MAP4: variants seen among roughly 807,000 people sequenced by gnomAD.
MAP4 encodes microtubule associated protein 4.
In MAP4, 76 loss-of-function variants were observed where a neutral mutation model predicts 170.2. The observed-to-expected ratio is 0.45, with a 90% CI of 0.37 to 0.54. The LOEUF is 0.54. MAP4 is among the 20% of genes least tolerant of loss of function. The pLI is 0.00. For missense variants in MAP4, 2,506 were observed against 2,748.0 expected (o/e 0.91, Z 1.97); for synonymous variants, 909 against 994.5 (o/e 0.91, Z 1.62).
chr3:47,982,298 T>A (rs2100085846), intron 2 of MAP4, among the ~76,000 whole-genome samples: 1 of 152,166 alleles, frequency 6.6e-6, no homozygotes, highest in South Asian at 2.1e-4. Flanking sequence ...AGAAACATAT[T>A]AGCACAATCA....
chr3:48,045,845 T>C (rs925897311), intron 1 of MAP4, among the ~76,000 whole-genome samples: 4 of 152,230 alleles, frequency 2.6e-5, no homozygotes, highest in South Asian at 2.1e-4. Context: ...CCGGCTGCAA[T>C]AGACATCTTT....
At chr3:48,037,071 C>T (rs2100119105) in intron 1 of MAP4, among the ~76,000 whole-genome samples, 1 of 152,090 alleles carries the variant, frequency 6.6e-6, no homozygotes, top group Admixed American at 6.5e-5. Context: ...GGTCAGAATA[C>T]ATTCAGTAAG....
At chr3:48,034,770 T>C (rs543039292) in intron 1 of MAP4, among the ~76,000 whole-genome samples, 1 of 152,210 alleles carries the variant, frequency 6.6e-6, no homozygotes, top group East Asian at 1.9e-4. Flanking sequence ...CCCAGCACTT[T>C]GTGAGGCTGA....
intron 3 of MAP4, among the ~76,000 whole-genome samples, chr3:47,939,405 C>T (rs114764847): frequency 0.029 from 4,486 of 152,238 alleles, 100 homozygotes; most frequent in Non-Finnish European, 0.044. Context: ...TTTATTTCCT[C>T]ACAATGCCTA....
At chr3:47,950,461 G>A (rs1229122384) in intron 3 of MAP4, among the ~76,000 whole-genome samples, 1 of 152,130 alleles carries the variant, frequency 6.6e-6, no homozygotes, top group Non-Finnish European at 1.5e-5. Context: ...CAAGATCGTG[G>A]CAATAATATA....
At chr3:47,882,789 T>C (rs1334801052) in intron 10 of MAP4, among the ~76,000 whole-genome samples, 2 of 151,982 alleles carry the variant, frequency 1.3e-5, no homozygotes, top group Non-Finnish European at 2.9e-5. Flanking sequence ...CCATTTAGGA[T>C]CCTTTATTTT....
chr3:47,998,804 T>C lies in MAP4; in HGVS notation c.57A>G (p.Gly19=), dbSNP rs753644079. Residue 19 remains glycine, a synonymous_variant, in exon 2 of 21, where the codon GGA becomes GGG. Coordinates refer to ENST00000683076, the MANE Select transcript of MAP4 (RefSeq NM_001385682.1). ...TGGCAATGAAGTCCCGCTTTATCTC[T>C]CCCTCAATGTCTGGAGATGGTTCTG... is the stretch of plus-strand genomic sequence containing the variant. ...ALTEPSPDIE[G]EIKRDFIATL... is the part of the protein sequence containing the mutation. 1 of 1,614,020 alleles carries C rather than the reference T, an allele frequency of 6.2e-7. No homozygotes were observed. The highest frequency in any genetic ancestry group is 1.3e-5 in the African/African-American group (1 of 74,922).
chr3:47,872,644 A>G (rs1036838262), intron 12 of MAP4, among the ~76,000 whole-genome samples: 1 of 152,224 alleles, frequency 6.6e-6, no homozygotes, highest in Non-Finnish European at 1.5e-5. Flanking sequence ...CACAACAGAG[A>G]GTAAAACTAC....
At chr3:47,908,717 C>T (rs1198176095) in intron 9 of MAP4, among the ~76,000 whole-genome samples, 1 of 152,116 alleles carries the variant, frequency 6.6e-6, no homozygotes, top group African/African-American at 2.4e-5. Flanking sequence ...ACATAGGAGG[C>T]ACAATTTTAA....
chr3:48,086,031 A>ATG (rs1348806943), intron 1 of MAP4, among the ~76,000 whole-genome samples: 1 of 147,568 alleles, frequency 6.8e-6, no homozygotes, highest in Non-Finnish European at 1.5e-5. Flanking sequence ...CAGCCTGGGC[A>ATG]ACAGAGTAAG....
chr3:48,008,467 C>T (rs2100103603), intron 1 of MAP4, among the ~76,000 whole-genome samples: 1 of 152,172 alleles, frequency 6.6e-6, no homozygotes, highest in South Asian at 2.1e-4. Flanking sequence ...CCTGGTTGTG[C>T]ACTTTGAATG....
chr3:47,988,925 C>T (rs2100090560), intron 2 of MAP4, among the ~76,000 whole-genome samples: 7 of 152,114 alleles, frequency 4.6e-5, no homozygotes, highest in Admixed American at 4.6e-4. Flanking sequence ...ACTCTCTTGC[C>T]CCAGCCCCCT....
chr3:47,902,448 G>T (rs2100030561), intron 10 of MAP4, among the ~76,000 whole-genome samples: 1 of 151,942 alleles, frequency 6.6e-6, no homozygotes, highest in Non-Finnish European at 1.5e-5. Context: ...GACCGAGGTG[G>T]GTGGATCACG....
intron 9 of MAP4, 29 bp from the exon 10 acceptor site, chr3:47,903,029 A>C: frequency 1.0e-6 from 1 of 966,564 alleles, no homozygotes. Flanking sequence ...GCCAGATTAT[A>C]AGAAGACCAG....
At chr3:47,861,225 G>T (rs771678846) in intron 17 of MAP4, among the ~76,000 whole-genome samples, 2 of 152,134 alleles carry the variant, frequency 1.3e-5, no homozygotes, top group Non-Finnish European at 2.9e-5. Context: ...GCTGGGTGTG[G>T]TGGTGGGCAC....
At chr3:47,877,271 G>C in intron 11 of MAP4, 146 bp downstream of exon 11, 1 of 637,368 alleles carries the variant, frequency 1.6e-6, no homozygotes, top group Non-Finnish European at 2.8e-6. Flanking sequence ...GAGAATACAA[G>C]ATATTTTCTA....
rs1032540094 is a variant in MAP4, at chr3:47,870,941, C to T, written c.6166G>A (p.Ala2056Thr). ...CGGGGGGTGGTGGAGCTGGGTTTGGCCGAGGTGGGCTTCTTGTCTATGAAA... is the reference window on the plus strand; with the variant it reads ...CGGGGGGTGGTGGAGCTGGGTTTGGTCGAGGTGGGCTTCTTGTCTATGAAA... The part of the protein sequence containing the change: ...TPFIDKKPTS[A>T]KPSSTTPRLS... The change falls in exon 15 of 21, where the codon GCC (alanine) becomes ACC (threonine). Residue 2056 changes from alanine (A) to threonine (T), a missense_variant. Ala to Thr is a moderately conservative substitution (Grantham distance 58, BLOSUM62 0). Transcript: ENST00000683076. 2 of 1,613,840 alleles carry T rather than the reference C, an allele frequency of 1.2e-6. No homozygotes were observed. The highest frequency in any genetic ancestry group is 2.2e-5 in the South Asian group (2 of 91,060).
Position 47,875,854 on chromosome 3 carries a change from T to G in MAP4, c.5588A>C (p.Lys1863Thr), listed in dbSNP as rs763743848. The G allele has an allele frequency of 4.3e-6, 7 of 1,613,418 alleles. No individual in the cohort carries two copies. In the Admixed American group the frequency reaches 8.4e-5, roughly 19 times the overall value. Residue 1863 changes from lysine (K) to threonine (T), a missense_variant, in exon 12 of 21, where the codon AAA (lysine) becomes ACA (threonine). By Grantham distance (78) the Lys-to-Thr change is moderately conservative. Around this residue, in one of 3 missense-constraint regions of MAP4, gnomAD observed 2,008 missense variants for 2,206.0 expected, o/e 0.91. Coordinates refer to ENST00000683076, the MANE Select transcript of MAP4 (RefSeq NM_001385682.1). ...QPAKTSTSKA[K>T]TQPTSLPKQP... Reference sequence around the variant, plus strand: ...CTTAGGGAGAGAAGTGGGCTGTGTTTTGGCTTTCGATGTTGAAGTCTTTGC... The same window carrying G: ...CTTAGGGAGAGAAGTGGGCTGTGTTGTGGCTTTCGATGTTGAAGTCTTTGC...
At chr3:47,877,367 T>C (rs2095652866) in intron 11 of MAP4, 50 bp downstream of exon 11, 1 of 1,370,050 alleles carries the variant, frequency 7.3e-7, no homozygotes, top group East Asian at 2.3e-5. Flanking sequence ...CAGAAGATAC[T>C]CCGTTTAAAA....
Sources: gnomAD v4.1 joint callset for allele counts (sites outside exome capture counted in the v4.1 genomes callset) on GRCh38, gnomAD v4.1.1 for gene constraint, gnomAD v4.1.1 regional missense constraint, MANE v1.5 for transcripts, NCBI Gene and HGNC (gene_info 2026-07-23, HGNC 2026-07-21) for gene names.